Variants in SEC24A observed in about 807,000 individuals in gnomAD.
SEC24A encodes the protein protein transport protein Sec24A.
In SEC24A, 93 loss-of-function variants were observed where a neutral mutation model predicts 129.4. That is an observed-to-expected ratio of 0.72 (90% CI 0.61 to 0.85). The LOEUF is 0.85. Among genes scored for constraint, SEC24A ranks in the 40% least tolerant of loss-of-function variants. The pLI, the probability that SEC24A is intolerant of heterozygous loss-of-function variation, is 0.00. For synonymous variants in SEC24A, 460 were observed against 467.3 expected (o/e 0.98, Z 0.20); for missense variants, 1,264 against 1,307.4 (o/e 0.97, Z 0.51).
At chr5:134,657,147 C>A (rs1750276465) in intron 1 of SEC24A, among the ~76,000 whole-genome samples, 1 of 151,026 alleles carries the variant, frequency 6.6e-6, no homozygotes, top group East Asian at 2.0e-4. Context: ...ACACTTCAGC[C>A]TGGGTGGCAG....
chr5:134,690,870 T>G (rs1273922823), intron 11 of SEC24A, among the ~76,000 whole-genome samples: 1 of 152,206 alleles, frequency 6.6e-6, no homozygotes, highest in Non-Finnish European at 1.5e-5. Flanking sequence ...AGTCTTGCTT[T>G]GTTGCCCAGG....
intron 15 of SEC24A, among the ~76,000 whole-genome samples, chr5:134,698,775 G>T (rs1299144319): frequency 6.6e-6 from 1 of 151,766 alleles, no homozygotes; most frequent in African/African-American, 2.4e-5. Flanking sequence ...TGGGATTATA[G>T]GTGCGTGCCA....
chr5:134,689,895 A>G (rs1489963148), intron 11 of SEC24A, among the ~76,000 whole-genome samples: 1 of 151,986 alleles, frequency 6.6e-6, no homozygotes, highest in African/African-American at 2.4e-5. Flanking sequence ...ACACAAACCG[A>G]CAAATATTGT....
At chr5:134,705,103 T>TA (rs1554141324) in intron 16 of SEC24A, among the ~76,000 whole-genome samples, 102 of 140,430 alleles carry the variant, frequency 7.3e-4, no homozygotes, top group African/African-American at 2.5e-3. Flanking sequence ...TTTTTTTTTT[T>TA]AATTAATTTA....
Position 134,675,171 on chromosome 5 carries a change from G to A in SEC24A, c.1105G>A (p.Val369Ile). ...TCCGTCAACACCTTTGAAGCCTCCA[G>A]TTCCAAATTTGCATGAAGACATCCA... The part of the protein sequence containing the change: ...MLPSTPLKPP[V>I]PNLHEDIQKL... Residue 369 changes from valine (V) to isoleucine (I), a missense_variant, in exon 6 of 23, where the codon GTT (valine) becomes ATT (isoleucine). Transcript: ENST00000398844. 1.9e-6 allele frequency: 3 copies of A among 1,613,374 alleles called. No homozygotes were observed. The South Asian group carries it at 3.3e-5, about 18-fold the overall frequency.
intron 3 of SEC24A, among the ~76,000 whole-genome samples, chr5:134,669,320 C>T (rs1379681632): frequency 6.6e-6 from 1 of 151,048 alleles, no homozygotes; most frequent in Non-Finnish European, 1.5e-5. Context: ...GCATGCGCCA[C>T]CCCACCCAGC....
intron 11 of SEC24A, 58 bp downstream of exon 11, chr5:134,688,357 A>G: frequency 9.6e-7 from 1 of 1,039,848 alleles, no homozygotes. Flanking sequence ...TTTCTTGATT[A>G]CTTGACAAAT....
At chr5:134,690,482 T>A (rs1751605289) in intron 11 of SEC24A, among the ~76,000 whole-genome samples, 1 of 152,190 alleles carries the variant, frequency 6.6e-6, no homozygotes, top group Non-Finnish European at 1.5e-5. Context: ...CCCAGCTAAT[T>A]TTTAAAATTT....
At position 134,686,802 on chromosome 5, in the gene SEC24A, C is replaced by T. The variant is rs377107351; in HGVS notation, c.1504C>T (p.Gln502Ter). The change falls in exon 10 of 23, where the codon CAG becomes TAG. Residue 502 changes from glutamine (Q) to a stop codon, truncating the protein, a stop_gained. Coordinates refer to ENST00000398844, the MANE Select transcript of SEC24A (RefSeq NM_021982.3). LOFTEE classifies it high-confidence loss of function. ...APSEYMLRPP[Q>*]PPVYLFVFDV... ...TTTTTTTCTTCAGTTACGACCACCT[C>T]AGCCTCCAGTGTATCTCTTTGTATT... is the stretch of plus-strand genomic sequence containing the variant. 4.4e-6 allele frequency: 7 copies of T among 1,596,966 alleles called. No individual in the cohort carries two copies. Among genetic ancestry groups the T allele is most frequent in the African/African-American group, 1.3e-5 (1 of 74,160 alleles).
At chr5:134,668,527 ACCAGCCTGG>A (rs996458165) in intron 3 of SEC24A, among the ~76,000 whole-genome samples, 1 of 152,164 alleles carries the variant, frequency 6.6e-6, no homozygotes, top group South Asian at 2.1e-4. Context: ...GGAGTTCCAG[ACCAGCCTGG>A]CCAGCATGGC....
At chr5:134,652,529 G>A (rs528946940) in intron 1 of SEC24A, among the ~76,000 whole-genome samples, 9 of 151,890 alleles carry the variant, frequency 5.9e-5, no homozygotes, top group Non-Finnish European at 1.0e-4. Flanking sequence ...CAGGTGATCC[G>A]CCCACCTCGG....
At chr5:134,656,823 C>T (rs1306996198) in intron 1 of SEC24A, among the ~76,000 whole-genome samples, 6 of 150,702 alleles carry the variant, frequency 4.0e-5, no homozygotes, top group Non-Finnish European at 7.4e-5. Flanking sequence ...ATTCTGTCGC[C>T]CTGGCCGGAA....
chr5:134,696,439 A>ATAG (rs1237038464), intron 13 of SEC24A, among the ~76,000 whole-genome samples: 14 of 152,286 alleles, frequency 9.2e-5, no homozygotes, highest in Middle Eastern at 3.4e-3. Flanking sequence ...TGAAATTATT[A>ATAG]TAGTAGATAT....
At chr5:134,650,031 C>T (rs939795271) in intron 1 of SEC24A, among the ~76,000 whole-genome samples, 1 of 152,112 alleles carries the variant, frequency 6.6e-6, no homozygotes, top group African/African-American at 2.4e-5. Context: ...ACTTAAGTTG[C>T]CCATTAGAGT....
At chr5:134,714,323 G>A (rs1304510272) in intron 18 of SEC24A, among the ~76,000 whole-genome samples, 1 of 152,072 alleles carries the variant, frequency 6.6e-6, no homozygotes, top group Non-Finnish European at 1.5e-5. Flanking sequence ...GGTACCAGTG[G>A]GTGGCCTGTT....
chr5:134,652,944 G>A (rs572670323), intron 1 of SEC24A, among the ~76,000 whole-genome samples: 5 of 151,636 alleles, frequency 3.3e-5, no homozygotes, highest in African/African-American at 9.7e-5. Flanking sequence ...ATAGGTGCCC[G>A]CCACCACACC....
chr5:134,721,693 G>A (rs1282817912), intron 21 of SEC24A, among the ~76,000 whole-genome samples: 1 of 152,008 alleles, frequency 6.6e-6, no homozygotes, highest in Non-Finnish European at 1.5e-5. Context: ...GCAACATAGT[G>A]AGACCCCATA....
Position 134,693,979 on chromosome 5 carries a change from A to G in SEC24A, c.1986+46A>G, listed in dbSNP as rs779066996. ...CTGATAAGGTTTATGCTGGTGTTCC[A>G]TCCCTGTGACCATAGAACTTGTTTT... is the stretch of plus-strand genomic sequence containing the variant. On this transcript the variant is annotated intron_variant, in intron 13 of 22. Coordinates refer to ENST00000398844, the MANE Select transcript of SEC24A (RefSeq NM_021982.3). 2.0e-6 allele frequency: 3 copies of G among 1,502,800 alleles called. No individual in the cohort carries two copies. The South Asian group carries it at 3.4e-5, about 17-fold the overall frequency. 93.1% of individuals were successfully genotyped at this position (1,502,800 alleles called of 1,614,324 possible).
intron 9 of SEC24A, among the ~76,000 whole-genome samples, chr5:134,686,140 A>G (rs1751442830): frequency 6.6e-6 from 1 of 152,234 alleles, no homozygotes; most frequent in African/African-American, 2.4e-5. Flanking sequence ...TCAATAAAAC[A>G]CAAAATATTC....
Sources: gnomAD v4.1 joint callset for allele counts (sites outside exome capture counted in the v4.1 genomes callset) on GRCh38, gnomAD v4.1.1 for gene constraint, MANE v1.5 for transcripts, NCBI Gene and HGNC (gene_info 2026-07-23, HGNC 2026-07-21) for gene names.